The following ELMO1 variants were observed in gnomAD, a reference collection of about 807,000 sequenced individuals.
The protein encoded by ELMO1 is engulfment and cell motility 1, also known as engulfment and cell motility protein 1.
ELMO1 carries 26 observed loss-of-function variants against 98.9 expected under a neutral mutation model. The ratio of observed to expected loss-of-function variants is 0.26; its 90% CI spans 0.19 to 0.36. The LOEUF (loss-of-function observed/expected upper bound fraction) is 0.36. Ranked by LOEUF, ELMO1 falls within the 10% of genes least tolerant of loss-of-function variation. The pLI, the probability that ELMO1 is intolerant of heterozygous loss-of-function variation, is 1.00. For synonymous variants in ELMO1, 346 were observed against 346.0 expected (o/e 1.00, Z 0.00); for missense variants, 627 against 935.2 (o/e 0.67, Z 4.30).
intron 16 of ELMO1, among the ~76,000 whole-genome samples, chr7:36,998,822 G>A (rs1186685832): frequency 6.6e-6 from 1 of 151,784 alleles, no homozygotes; most frequent in Non-Finnish European, 1.5e-5. Flanking sequence ...GTGGGCAGAA[G>A]GCAGGCTGCA....
intron 15 of ELMO1, among the ~76,000 whole-genome samples, chr7:37,078,078 C>T (rs1746090909): frequency 6.6e-6 from 1 of 151,928 alleles, no homozygotes; most frequent in Non-Finnish European, 1.5e-5. Context: ...TGCTGCAGGC[C>T]CATGATGCTT....
At chr7:37,402,693 A>G (rs1405679316) in intron 1 of ELMO1, among the ~76,000 whole-genome samples, 2 of 152,310 alleles carry the variant, frequency 1.3e-5, no homozygotes, top group East Asian at 3.9e-4. Context: ...TCCTTATACT[A>G]AAGGACACTG....
At chr7:37,344,713 T>G (rs1800911266) in intron 1 of ELMO1, among the ~76,000 whole-genome samples, 1 of 152,242 alleles carries the variant, frequency 6.6e-6, no homozygotes, top group African/African-American at 2.4e-5. Flanking sequence ...GAATGAATTT[T>G]TGCAAACCTG....
chr7:37,116,986 C>T (rs922148038), intron 14 of ELMO1: 1 of 212,886 alleles, frequency 4.7e-6, no homozygotes, highest in Admixed American at 4.2e-5. Flanking sequence ...AGAGGCATCT[C>T]CATCAAGTTG....
intron 1 of ELMO1, among the ~76,000 whole-genome samples, chr7:37,400,247 T>C (rs994236490): frequency 3.9e-5 from 6 of 152,286 alleles, no homozygotes; most frequent in Admixed American, 3.9e-4. Flanking sequence ...TTTATTTAAA[T>C]ACTGCACCAA....
chr7:37,416,514 G>T (rs1255315620), intron 1 of ELMO1, among the ~76,000 whole-genome samples: 1 of 152,120 alleles, frequency 6.6e-6, no homozygotes, highest in Non-Finnish European at 1.5e-5. Flanking sequence ...CCATGCACAC[G>T]CACAGACCAC....
rs1296149656 is a variant in ELMO1 at position 37,342,632 on chromosome 7, T to C, written c.59A>G (p.Lys20Arg). ...VAIEWPGAYP[K>R]LMEIDQKKPL... is the part of the protein sequence containing the mutation. ...ACTAACCTGATCAATTTCCATGAGT[T>C]TGGGGTAGGCGCCCGGCCATTCTAT... Residue 20 changes from lysine to arginine, a missense_variant, in exon 2 of 22, where the codon AAA becomes AGA. Lys to Arg is a conservative substitution (Grantham distance 26). Around this residue, in one of 3 missense-constraint regions of ELMO1, gnomAD observed 123 missense variants for 171.2 expected, o/e 0.72. Transcript: ENST00000310758. The surrounding 1 kb of genome is among the most constrained non-coding windows in gnomAD (Gnocchi z 4.3). 3.1e-6 allele frequency: 5 copies of C among 1,613,602 alleles called. No individual in the cohort carries two copies. The highest frequency in any genetic ancestry group is 4.2e-6 in the Non-Finnish European group (5 of 1,179,908).
intron 16 of ELMO1, among the ~76,000 whole-genome samples, chr7:36,897,837 T>C (rs573921144): frequency 6.6e-6 from 1 of 152,336 alleles, no homozygotes; most frequent in African/African-American, 2.4e-5. Flanking sequence ...AAATCACTTA[T>C]AGTTCAGTTT....
Position 36,861,623 on chromosome 7 carries a change from C to T in ELMO1, c.1983+36G>A, listed in dbSNP as rs574522203. 58 of 1,585,846 alleles carry T rather than the reference C, an allele frequency of 3.7e-5. 1 individual carries two copies. The Admixed American group carries it at 6.6e-4, about 18-fold the overall frequency. ...CTATATTTTTCTTGAGAAAAGATAA[C>T]ATTATCTCATAAATTATCACCCCCG... On this transcript the variant is annotated intron_variant, in intron 21 of 21. Transcript: ENST00000310758.
intron 1 of ELMO1, among the ~76,000 whole-genome samples, chr7:37,380,678 G>A (rs1002405929): frequency 6.6e-6 from 1 of 152,228 alleles, no homozygotes; most frequent in African/African-American, 2.4e-5. Flanking sequence ...AAAATACAGA[G>A]TTAGGTCCCT....
intron 14 of ELMO1, among the ~76,000 whole-genome samples, chr7:37,115,996 C>T (rs952490924): frequency 6.6e-6 from 1 of 152,126 alleles, no homozygotes; most frequent in South Asian, 2.1e-4. Flanking sequence ...GGGATATATA[C>T]GAACCCTCTG....
At chr7:37,271,715 C>T (rs1441002013) in intron 5 of ELMO1, 117 bp downstream of exon 5, 3 of 1,071,756 alleles carry the variant, frequency 2.8e-6, no homozygotes, top group African/African-American at 1.6e-5. Flanking sequence ...TCAGGACATT[C>T]TGGAAGCCTT....
intron 14 of ELMO1, among the ~76,000 whole-genome samples, chr7:37,111,121 A>C (rs994856889): frequency 6.6e-6 from 1 of 152,164 alleles, no homozygotes; most frequent in Non-Finnish European, 1.5e-5. Context: ...CCATTCTGAC[A>C]GTAGGTTCCT....
At chr7:37,038,904 A>G (rs981544661) in intron 15 of ELMO1, among the ~76,000 whole-genome samples, 2 of 152,156 alleles carry the variant, frequency 1.3e-5, no homozygotes, top group African/African-American at 4.8e-5. Context: ...AAGGGCACTA[A>G]TCCCATTATG....
chr7:37,167,221 C>T (rs551205953), intron 13 of ELMO1, among the ~76,000 whole-genome samples: 17,827 of 150,536 alleles, frequency 0.12, 1,112 homozygotes, highest in Middle Eastern at 0.24. Context: ...TTATTTTGAG[C>T]CTATGTGTGT....
chr7:37,281,366 C>A (rs1347096081), intron 4 of ELMO1, among the ~76,000 whole-genome samples: 2 of 151,994 alleles, frequency 1.3e-5, no homozygotes, highest in Admixed American at 1.3e-4. Flanking sequence ...CACCTGTTAC[C>A]CCAATAACTT....
At chr7:37,376,338 C>T (rs1802344336) in intron 1 of ELMO1, among the ~76,000 whole-genome samples, 1 of 152,150 alleles carries the variant, frequency 6.6e-6, no homozygotes. Context: ...ATGGGAGGGG[C>T]CTGAGTACCT....
intron 15 of ELMO1, among the ~76,000 whole-genome samples, chr7:37,074,191 T>C (rs979510818): frequency 6.7e-5 from 10 of 148,346 alleles, no homozygotes; most frequent in African/African-American, 2.4e-4. Context: ...ATATTTTATA[T>C]ATGCATAAAT....
At chr7:36,956,733 C>T (rs1321367698) in intron 16 of ELMO1, among the ~76,000 whole-genome samples, 1 of 152,154 alleles carries the variant, frequency 6.6e-6, no homozygotes, top group Non-Finnish European at 1.5e-5. Flanking sequence ...ATATAAAAAT[C>T]ATCGATCGGG....
Sources: gnomAD v4.1 joint callset for allele counts (sites outside exome capture counted in the v4.1 genomes callset) on GRCh38, gnomAD v4.1.1 for gene constraint, gnomAD v4.1.1 regional missense constraint, Gnocchi (gnomAD v3.1) non-coding constraint, MANE v1.5 for transcripts, NCBI Gene and HGNC (gene_info 2026-07-23, HGNC 2026-07-21) for gene names.